SLC36A4: variants seen among roughly 807,000 people sequenced by gnomAD.
The protein encoded by SLC36A4 is neutral amino acid uniporter 4.
SLC36A4 carries 49 observed loss-of-function variants against 50.5 expected under a neutral mutation model. The observed-to-expected ratio is 0.97, with a 90% CI of 0.77 to 1.23. The LOEUF (loss-of-function observed/expected upper bound fraction) is 1.23. Among genes scored for constraint, SLC36A4 ranks in the 50% most tolerant of loss-of-function variants. SLC36A4 has a pLI of 0.00. For missense variants in SLC36A4, 611 were observed against 608.4 expected (o/e 1.00, Z -0.05); for synonymous variants, 207 against 206.5 (o/e 1.00, Z -0.02).
intron 1 of SLC36A4, among the ~76,000 whole-genome samples, chr11:93,196,478 T>G (rs1862431092): frequency 1.3e-5 from 2 of 152,184 alleles, no homozygotes; most frequent in Non-Finnish European, 1.5e-5. Flanking sequence ...GCCATTCTCC[T>G]GCCTCAGCCA....
Position 93,195,522 on chromosome 11 carries a change from T to A in SLC36A4, c.55+2256A>T, listed in dbSNP as rs74629212. On this transcript the variant is annotated intron_variant, in intron 1 of 10. Transcript: ENST00000326402. ...CTGAATTACTGAAATATTCTTCTGC[T>A]TTTACTTTTGCCCCCTTACAGTTTA... Among the ~76,000 whole-genome samples the A allele has an allele frequency of 1.8e-3, 276 of 152,316 alleles. 4 individuals carry two copies. In the East Asian group the frequency reaches 0.05, roughly 27 times the overall value.
At chr11:93,153,745 C>T (rs1860213070) in intron 10 of SLC36A4, among the ~76,000 whole-genome samples, 1 of 151,978 alleles carries the variant, frequency 6.6e-6, no homozygotes, top group Non-Finnish European at 1.5e-5. Context: ...AAGAAGTAAA[C>T]TGTTAAAATA....
intron 4 of SLC36A4, 40 bp downstream of exon 4, chr11:93,182,766 A>G (rs774327510): frequency 6.9e-7 from 1 of 1,439,746 alleles, no homozygotes; most frequent in East Asian, 2.3e-5. Flanking sequence ...TAAATAAAAG[A>G]TAGCTTTAAA....
chr11:93,182,211 A>C, intron 4 of SLC36A4: 2 of 431,454 alleles, frequency 4.6e-6, no homozygotes, highest in Non-Finnish European at 6.2e-6. Context: ...TAATCTTCCC[A>C]TGAGGTAGGT....
chr11:93,149,286 A>G (rs1208179536), intron 10 of SLC36A4, among the ~76,000 whole-genome samples: 1 of 152,084 alleles, frequency 6.6e-6, no homozygotes, highest in East Asian at 1.9e-4. Flanking sequence ...GGAACAATGG[A>G]AACAGAAAAG....
rs191945135 is a variant in SLC36A4, at chr11:93,189,623, T to G, written c.56-3809A>C. ...TATCCAAATTATCAGTTATTTGACC[T>G]TTCTGATTTCTTTCTGTCAGGGAGT... On this transcript the variant is annotated intron_variant, in intron 1 of 10. Transcript: ENST00000326402. 7.4e-4 allele frequency among the ~76,000 whole-genome samples: 113 copies of G among 152,322 alleles called. 1 individual carries two copies. The highest frequency in any genetic ancestry group is 3.5e-3 in the Admixed American group (54 of 15,300).
Position 93,144,850 on chromosome 11 carries a change from AT to A in SLC36A4, c.*3686del, listed in dbSNP as rs1859817664. The A allele has an allele frequency of 6.6e-6, 1 of 152,032 alleles. No individual in the cohort carries two copies. Among genetic ancestry groups the A allele is most frequent in the African/African-American group, 2.4e-5 (1 of 41,438 alleles). 9.4% of individuals were successfully genotyped at this position (152,032 alleles called of 1,614,324 possible). A position where few individuals can be genotyped will look rare whatever the true frequency, so the allele number is the denominator to read the frequency against. Reference sequence around the variant, plus strand: ...TAGGTGAGCCAAAAAGATCAGACTCATTTTTTAAAAAGTCATTATTGTATAT... The same window carrying A: ...TAGGTGAGCCAAAAAGATCAGACTCATTTTTAAAAAGTCATTATTGTATAT... On this transcript the variant is annotated 3_prime_UTR_variant, in exon 11 of 11. Coordinates refer to ENST00000326402, the MANE Select transcript of SLC36A4 (RefSeq NM_152313.4).
chr11:93,184,429 C>A lies in SLC36A4; in HGVS notation c.270+1G>T. On this transcript the variant is annotated splice_donor_variant, in intron 3 of 10. Transcript: ENST00000326402. LOFTEE classifies it high-confidence loss of function. ...CTGGTGATTACAAAGATAAGTCTTA[C>A]CACTATGCCTGCATTTTTTATTGCC... The A allele has an allele frequency of 6.3e-7, 1 of 1,584,448 alleles. No individual in the cohort carries two copies. The highest frequency in any genetic ancestry group is 8.7e-7 in the Non-Finnish European group (1 of 1,153,700).
At chr11:93,172,843 C>G (rs1257208435) in intron 6 of SLC36A4, among the ~76,000 whole-genome samples, 1 of 143,130 alleles carries the variant, frequency 7.0e-6, no homozygotes, top group Non-Finnish European at 1.5e-5. Context: ...TCCAGTCTAT[C>G]ATTGTTGGAC....
chr11:93,150,234 G>C (rs79975991), intron 10 of SLC36A4, among the ~76,000 whole-genome samples: 2,273 of 152,100 alleles, frequency 0.015, 64 homozygotes, highest in African/African-American at 0.052. Context: ...CATCGATGAC[G>C]ATTATATCAC....
In SLC36A4 at chr11:93,144,245, T is replaced by G. The variant is rs1336198690; in HGVS notation, c.*4292A>C. The G allele has an allele frequency of 6.6e-6, 1 of 152,092 alleles. No homozygotes were observed. Among genetic ancestry groups the G allele is most frequent in the Non-Finnish European group, 1.5e-5 (1 of 67,992 alleles). The allele number at this position is 152,092 out of a possible 1,614,324, so 9.4% of individuals were successfully genotyped here. A position where few individuals can be genotyped will look rare whatever the true frequency, so the allele number is the denominator to read the frequency against. ...TAAGACAGCGTTTTTCATATTCTGT[T>G]ATAAAGAAAAATGTTAAAAGAATTG... On this transcript the variant is annotated 3_prime_UTR_variant, in exon 11 of 11. Transcript: ENST00000326402.
rs578142319 is a variant in SLC36A4 at position 93,197,882 on chromosome 11, G to A, written c.-50C>T. ...CCGCCCGAGTGCTCACTCTCCCGCC[G>A]CTGCGTGGCCGGCGTCAGGCCCAGG... On this transcript the variant is annotated 5_prime_UTR_variant, in exon 1 of 11. Transcript: ENST00000326402. 9.3e-6 allele frequency: 14 copies of A among 1,499,934 alleles called. No individual in the cohort carries two copies. In the African/African-American group the frequency reaches 2.0e-4, roughly 22 times the overall value. The allele number at this position is 1,499,934 out of a possible 1,614,324, so 92.9% of individuals were successfully genotyped here. A position where few individuals can be genotyped will look rare whatever the true frequency, so the allele number is the denominator to read the frequency against.
rs142625181 is a variant in SLC36A4 at position 93,148,729 on chromosome 11, C to A, written c.1323G>T (p.Ser441=). The A allele has an allele frequency of 1.1e-3, 1,706 of 1,612,800 alleles. 15 individuals carry two copies. The African/African-American group carries it at 0.02, about 19-fold the overall frequency. Residue 441 remains serine (S), a synonymous_variant, in exon 11 of 11, where the codon TCG becomes TCT. Transcript: ENST00000326402. ...LPPLVEILTF[S]KEHYNIWMVL... ...CCATCCATATATTATAATGTTCCTTCGAAAATGTAAGAATTTCAACCAAAG... is the reference window on the plus strand; with the variant it reads ...CCATCCATATATTATAATGTTCCTTAGAAAATGTAAGAATTTCAACCAAAG...
intron 1 of SLC36A4, among the ~76,000 whole-genome samples, chr11:93,196,246 A>G (rs1862415673): frequency 6.6e-6 from 1 of 152,180 alleles, no homozygotes; most frequent in Non-Finnish European, 1.5e-5. Context: ...ATTTCCTTTC[A>G]TTGTACTTTA....
chr11:93,146,613 C>T lies in SLC36A4; in HGVS notation c.*1924G>A, dbSNP rs1041744831. The T allele has an allele frequency of 2.0e-5, 3 of 151,692 alleles. No homozygotes were observed. Among genetic ancestry groups the T allele is most frequent in the African/African-American group, 7.3e-5 (3 of 41,336 alleles). 9.4% of individuals were successfully genotyped at this position (151,692 alleles called of 1,614,324 possible). ...TTTGATGATCAGTTAACGATACAAG[C>T]AAAAAATACTTGAACTAAGTTAACA... On this transcript the variant is annotated 3_prime_UTR_variant, in exon 11 of 11. Transcript: ENST00000326402.
At chr11:93,177,724 T>C (rs1380629273) in intron 6 of SLC36A4, among the ~76,000 whole-genome samples, 11 of 152,122 alleles carry the variant, frequency 7.2e-5, no homozygotes, top group Admixed American at 6.5e-4. Flanking sequence ...GCCTGATCCT[T>C]CCTCTGGAAG....
chr11:93,174,543 C>T (rs1861356804), intron 6 of SLC36A4, among the ~76,000 whole-genome samples: 1 of 149,310 alleles, frequency 6.7e-6, no homozygotes, highest in Admixed American at 6.7e-5. Context: ...AAAGGGAATG[C>T]TTCCAGTTTT....
At chr11:93,197,667 G>T in intron 1 of SLC36A4, 111 bp downstream of exon 1, 1 of 1,152,912 alleles carries the variant, frequency 8.7e-7, no homozygotes, top group Non-Finnish European at 1.2e-6. Context: ...GTTAGCAATC[G>T]GGCCTCAACT....
At chr11:93,184,583 G>C in intron 2 of SLC36A4, 63 bp from the exon 3 acceptor site, 1 of 994,390 alleles carries the variant, frequency 1.0e-6, no homozygotes, top group Middle Eastern at 2.6e-4. Context: ...ACATGATCAT[G>C]GTTTTAGTAC....
Sources: allele counts gnomAD v4.1 joint callset (sites outside exome capture counted in the v4.1 genomes callset), GRCh38; gene constraint gnomAD v4.1.1; transcripts MANE v1.5; gene names NCBI Gene and HGNC (gene_info 2026-07-23, HGNC 2026-07-21).